PCDH9: variants seen among roughly 807,000 people sequenced by gnomAD.
PCDH9 encodes protocadherin 9.
Under a neutral mutation model 70.6 loss-of-function variants are expected in PCDH9, and 24 were observed. The observed-to-expected ratio is 0.34, with a 90% CI of 0.25 to 0.48. The LOEUF (loss-of-function observed/expected upper bound fraction) is 0.48. Ranked by LOEUF, PCDH9 falls within the 20% of genes least tolerant of loss-of-function variation. The pLI is 0.99. For missense variants in PCDH9, 1,281 were observed against 1,503.6 expected (o/e 0.85, Z 2.45); for synonymous variants, 562 against 558.5 (o/e 1.01, Z -0.09).
chr13:66,326,086 A>G (rs1264994139), intron 4 of PCDH9, among the ~76,000 whole-genome samples: 2 of 151,996 alleles, frequency 1.3e-5, no homozygotes, highest in African/African-American at 4.8e-5. Context: ...GTTTTTACTC[A>G]CCTCTGGCTT....
At chr13:66,936,549 A>G (rs73208994) in intron 2 of PCDH9, among the ~76,000 whole-genome samples, 56,262 of 152,122 alleles carry the variant, frequency 0.37, 11,944 homozygotes, top group Middle Eastern at 0.57. Flanking sequence ...AGTATAAATG[A>G]TAAGTTGAAA....
At chr13:67,178,330 C>G (rs1421610420) in intron 2 of PCDH9, among the ~76,000 whole-genome samples, 1 of 151,976 alleles carries the variant, frequency 6.6e-6, no homozygotes, top group African/African-American at 2.4e-5. Context: ...CTTTATGTCT[C>G]AAGTCTTTCA....
At chr13:66,978,569 A>ATAATTATT (rs1373061102) in intron 2 of PCDH9, 1 of 151,594 alleles carries the variant, frequency 6.6e-6, no homozygotes. Context: ...ACTACAAAAT[A>ATAATTATT]TAATTATTCA....
chr13:67,104,561 T>C (rs926788564), intron 2 of PCDH9, among the ~76,000 whole-genome samples: 1 of 152,202 alleles, frequency 6.6e-6, no homozygotes, highest in Non-Finnish European at 1.5e-5. Context: ...AATTTTTTTT[T>C]TTTTTGAGAC....
chr13:67,072,733 A>G (rs1403757439), intron 2 of PCDH9, among the ~76,000 whole-genome samples: 1 of 152,174 alleles, frequency 6.6e-6, no homozygotes, highest in African/African-American at 2.4e-5. Flanking sequence ...TATACTTAAA[A>G]AAAAATAGTG....
chr13:66,441,195 A>G (rs1957967622), intron 4 of PCDH9, among the ~76,000 whole-genome samples: 1 of 152,210 alleles, frequency 6.6e-6, no homozygotes, highest in East Asian at 1.9e-4. Flanking sequence ...CAGCAAGTGA[A>G]GTGTGTTATC....
chr13:66,729,728 G>C (rs1463622473), intron 3 of PCDH9, among the ~76,000 whole-genome samples: 1 of 152,056 alleles, frequency 6.6e-6, no homozygotes, highest in Admixed American at 6.6e-5. Flanking sequence ...GGCCAATTTT[G>C]CCTAGCTAAT....
At chr13:66,889,119 A>G (rs1280054338) in intron 3 of PCDH9, among the ~76,000 whole-genome samples, 3 of 152,220 alleles carry the variant, frequency 2.0e-5, no homozygotes, top group Admixed American at 6.5e-5. Context: ...AACTTTGGCC[A>G]TAAGCGAGTA....
intron 3 of PCDH9, among the ~76,000 whole-genome samples, chr13:66,688,271 T>C (rs2078433864): frequency 6.6e-6 from 1 of 152,142 alleles, no homozygotes; most frequent in South Asian, 2.1e-4. Context: ...CCTTTGATCC[T>C]CCTCATTGAT....
chr13:67,129,510 G>A (rs1436887636), intron 2 of PCDH9, among the ~76,000 whole-genome samples: 1 of 151,916 alleles, frequency 6.6e-6, no homozygotes, highest in Non-Finnish European at 1.5e-5. Flanking sequence ...TGTACCATGT[G>A]AATTTATTAG....
intron 3 of PCDH9, among the ~76,000 whole-genome samples, chr13:66,827,360 CAAAAAAA>C (rs71110608): frequency 8.3e-6 from 1 of 120,276 alleles, no homozygotes; most frequent in Middle Eastern, 3.9e-3. Context: ...AGGAAAATGG[CAAAAAAA>C]AAAAAAAGAA....
intron 2 of PCDH9, among the ~76,000 whole-genome samples, chr13:67,195,572 T>C (rs888769256): frequency 6.6e-5 from 10 of 152,214 alleles, no homozygotes; most frequent in Admixed American, 6.5e-5. Context: ...CCAGAACTTT[T>C]TGAGCAAAAT....
At chr13:66,353,272 C>A (rs1019757919) in intron 4 of PCDH9, among the ~76,000 whole-genome samples, 1 of 152,064 alleles carries the variant, frequency 6.6e-6, no homozygotes, top group African/African-American at 2.4e-5. Context: ...TGTTATAAAA[C>A]CTTGAAGGGA....
At position 67,079,030 on chromosome 13, in the gene PCDH9, C is replaced by T. The variant is rs1406360187; in HGVS notation, c.3036+146375G>A. ...TGGTTAAAGAAGTTCACATGTAAGGCCAGACGCAGTGGCTCACGCCTGTAA... is the reference window on the plus strand; with the variant it reads ...TGGTTAAAGAAGTTCACATGTAAGGTCAGACGCAGTGGCTCACGCCTGTAA... On this transcript the variant is annotated intron_variant, in intron 2 of 4. Transcript: ENST00000377865. 2.6e-5 allele frequency among the ~76,000 whole-genome samples: 4 copies of T among 151,906 alleles called. No homozygotes were observed. The South Asian group carries it at 8.3e-4, about 32-fold the overall frequency.
In PCDH9 at chr13:67,172,675, C is replaced by T. The variant is rs558631196; in HGVS notation, c.3036+52730G>A. Among the ~76,000 whole-genome samples, 7 of 151,908 alleles carry T rather than the reference C, an allele frequency of 4.6e-5. No homozygotes were observed. The South Asian group carries it at 8.3e-4, about 18-fold the overall frequency. The stretch of plus-strand genomic sequence containing the variant: ...GGAGGATCACCTGAGGTCCGGAGTT[C>T]GACACCAGCCTGACCAAAAAGGGGA... On this transcript the variant is annotated intron_variant, in intron 2 of 4. Coordinates refer to ENST00000377865, the MANE Select transcript of PCDH9 (RefSeq NM_203487.3).
intron 4 of PCDH9, among the ~76,000 whole-genome samples, chr13:66,318,978 G>A (rs1471019748): frequency 6.6e-6 from 1 of 152,172 alleles, no homozygotes; most frequent in Non-Finnish European, 1.5e-5. Flanking sequence ...CAGTAAGAGT[G>A]TATTAGTCTG....
At chr13:67,025,898 A>G (rs1165607775) in intron 2 of PCDH9, among the ~76,000 whole-genome samples, 1 of 152,180 alleles carries the variant, frequency 6.6e-6, no homozygotes, top group Non-Finnish European at 1.5e-5. Context: ...ATATAAATGT[A>G]TATGAATAAT....
At chr13:67,219,594 A>G (rs186072462) in intron 2 of PCDH9, 1 of 152,150 alleles carries the variant, frequency 6.6e-6, no homozygotes, top group East Asian at 1.9e-4. Context: ...AAACTTTAGA[A>G]TAAGCCTCTT....
At chr13:67,025,035 T>C (rs1331436342) in intron 2 of PCDH9, among the ~76,000 whole-genome samples, 1 of 152,106 alleles carries the variant, frequency 6.6e-6, no homozygotes, top group African/African-American at 2.4e-5. Context: ...TAAGAACCAA[T>C]TAGTCACATG....
Sources: gnomAD v4.1 joint callset for allele counts (sites outside exome capture counted in the v4.1 genomes callset) on GRCh38, gnomAD v4.1.1 for gene constraint, MANE v1.5 for transcripts, NCBI Gene and HGNC (gene_info 2026-07-23, HGNC 2026-07-21) for gene names.